The following HSF5 variants were observed in gnomAD, a reference collection of about 807,000 sequenced individuals.
HSF5 encodes the protein heat shock transcription factor 5.
Under a neutral mutation model 50.8 loss-of-function variants are expected in HSF5, and 5 were observed. That is an observed-to-expected ratio of 0.10 (90% CI 0.05 to 0.21). HSF5 has a LOEUF of 0.21. Among genes scored for constraint, HSF5 ranks in the 10% least tolerant of loss-of-function variants. HSF5 has a pLI of 1.00. For missense variants in HSF5, 564 were observed against 762.6 expected, an observed-to-expected ratio of 0.74 and a Z score of 3.07; for synonymous variants, 307 against 307.4, an observed-to-expected ratio of 1.00 and a Z score of 0.02.
chr17:58,470,300 T>G (rs1488378402), intron 2 of HSF5, among the ~76,000 whole-genome samples: 1 of 152,166 alleles, frequency 6.6e-6, no homozygotes, highest in East Asian at 1.9e-4. Flanking sequence ...ATGAACAAAA[T>G]GTGTTACACA....
intron 2 of HSF5, among the ~76,000 whole-genome samples, chr17:58,474,512 C>G (rs1376874097): frequency 6.6e-6 from 1 of 151,870 alleles, no homozygotes. Flanking sequence ...TTTTTTAATG[C>G]CTCCTTCCTA....
At chr17:58,436,713 T>C (rs545032898) in intron 5 of HSF5, among the ~76,000 whole-genome samples, 57 of 152,214 alleles carry the variant, frequency 3.7e-4, no homozygotes, top group Non-Finnish European at 6.9e-4. Flanking sequence ...TCTCGATAGA[T>C]TGTTCTGGTT....
chr17:58,472,003 G>A (rs1395901843), intron 2 of HSF5, among the ~76,000 whole-genome samples: 1 of 151,904 alleles, frequency 6.6e-6, no homozygotes, highest in African/African-American at 2.4e-5. Context: ...ACAGGTGTGC[G>A]CCACCATGCC....
chr17:58,486,886 A>G (rs1975189023), intron 1 of HSF5, among the ~76,000 whole-genome samples: 1 of 149,394 alleles, frequency 6.7e-6, no homozygotes, highest in Admixed American at 6.7e-5. Context: ...TGCTATTGTA[A>G]TGTTCTAAGT....
At chr17:58,471,915 G>A (rs961662871) in intron 2 of HSF5, among the ~76,000 whole-genome samples, 7 of 152,168 alleles carry the variant, frequency 4.6e-5, no homozygotes, top group South Asian at 2.1e-4. Context: ...GTGCAGTGGC[G>A]CGATCTCAGC....
intron 1 of HSF5, among the ~76,000 whole-genome samples, chr17:58,484,650 T>C (rs1975144323): frequency 6.6e-6 from 1 of 152,130 alleles, no homozygotes; most frequent in African/African-American, 2.4e-5. Context: ...ATTGTCTCCA[T>C]TGCCTTGCCC....
At chr17:58,467,715 A>G (rs1282613420) in intron 2 of HSF5, among the ~76,000 whole-genome samples, 1 of 152,268 alleles carries the variant, frequency 6.6e-6, no homozygotes, top group Non-Finnish European at 1.5e-5. Context: ...CAGTAAGCAA[A>G]CAGTAAGTGT....
chr17:58,465,556 C>T (rs1253979969), intron 3 of HSF5, among the ~76,000 whole-genome samples: 3 of 151,634 alleles, frequency 2.0e-5, no homozygotes, highest in Non-Finnish European at 2.9e-5. Context: ...CAGCTAAGTC[C>T]CCTTGATCTC....
intron 5 of HSF5, among the ~76,000 whole-genome samples, chr17:58,438,694 G>C (rs1163611441): frequency 6.6e-6 from 1 of 152,004 alleles, no homozygotes; most frequent in East Asian, 1.9e-4. Context: ...TCAGGCTAGA[G>C]GTACCTAGTG....
chr17:58,464,803 T>C (rs1163341270), intron 3 of HSF5, among the ~76,000 whole-genome samples: 2 of 152,096 alleles, frequency 1.3e-5, no homozygotes, highest in African/African-American at 4.8e-5. Context: ...CAGCTAATTT[T>C]TGTACTTTTA....
rs1225872264 is a variant in HSF5, at chr17:58,458,911, C to T, written c.1577G>A (p.Arg526His). The T allele has an allele frequency of 1.1e-5, 17 of 1,613,372 alleles. 1 individual carries two copies. Among genetic ancestry groups the T allele is most frequent in the Non-Finnish European group, 1.3e-5 (15 of 1,179,824 alleles). The stretch of plus-strand genomic sequence containing the variant: ...CTGTTCTGACGGCAAGATATTCTCA[C>T]GTGAACTGGTCTGGCATTTTATGTT... ...DANIKCQTSS[R>H]ENILPSEQMG... Residue 526 changes from arginine to histidine, a missense_variant, in exon 5 of 6, where the codon CGT becomes CAT. By Grantham distance (29) the Arg-to-His change is conservative. This residue lies in a region of HSF5 where 441 missense variants were observed against 533.6 expected (regional missense o/e 0.83). Coordinates refer to ENST00000323777, the MANE Select transcript of HSF5 (RefSeq NM_001080439.3).
At chr17:58,453,302 T>TA (rs1419646826) in intron 5 of HSF5, among the ~76,000 whole-genome samples, 18 of 152,062 alleles carry the variant, frequency 1.2e-4, no homozygotes, top group African/African-American at 4.3e-4. Context: ...AACAAAATAC[T>TA]AGCAAACCAG....
chr17:58,457,259 CAG>C (rs1974724452), intron 5 of HSF5, among the ~76,000 whole-genome samples: 1 of 142,546 alleles, frequency 7.0e-6, no homozygotes, highest in African/African-American at 2.6e-5. Flanking sequence ...GACTCTGTCT[CAG>C]AAAAAAAAAA....
chr17:58,440,005 C>T (rs1340234852), intron 5 of HSF5, among the ~76,000 whole-genome samples: 1 of 151,434 alleles, frequency 6.6e-6, no homozygotes, highest in African/African-American at 2.4e-5. Flanking sequence ...GATATGACCA[C>T]TTCTGGTAAT....
chr17:58,473,927 C>G (rs1974979367), intron 2 of HSF5, among the ~76,000 whole-genome samples: 2 of 151,842 alleles, frequency 1.3e-5, no homozygotes, highest in Admixed American at 1.3e-4. Context: ...ATCACTGCAG[C>G]CTCAACCTCC....
intron 5 of HSF5, among the ~76,000 whole-genome samples, chr17:58,444,498 G>A (rs1974533741): frequency 6.6e-6 from 1 of 152,134 alleles, no homozygotes; most frequent in South Asian, 2.1e-4. Context: ...ATGGTATTGG[G>A]AAAACTGGAT....
At chr17:58,427,011 G>A (rs974726865) in intron 5 of HSF5, among the ~76,000 whole-genome samples, 8 of 152,118 alleles carry the variant, frequency 5.3e-5, no homozygotes, top group African/African-American at 1.2e-4. Flanking sequence ...TAGCACTTTG[G>A]GAGGCTGAGG....
At chr17:58,478,354 G>A (rs1011402570) in intron 2 of HSF5, among the ~76,000 whole-genome samples, 29 of 148,962 alleles carry the variant, frequency 1.9e-4, no homozygotes, top group African/African-American at 7.1e-4. Flanking sequence ...GCAGGCGCCT[G>A]TAGTCCCAGC....
At chr17:58,423,851 C>T (rs188394430) in intron 5 of HSF5, among the ~76,000 whole-genome samples, 86 of 152,280 alleles carry the variant, frequency 5.6e-4, no homozygotes, top group Admixed American at 3.3e-3. Flanking sequence ...GTATACAGCA[C>T]AAACCCTTTA....
Sources: gnomAD v4.1 joint callset for allele counts (sites outside exome capture counted in the v4.1 genomes callset) on GRCh38, gnomAD v4.1.1 for gene constraint, gnomAD v4.1.1 regional missense constraint, MANE v1.5 for transcripts, NCBI Gene and HGNC (gene_info 2026-07-23, HGNC 2026-07-21) for gene names.